PIK3R1: variants seen among roughly 807,000 people sequenced by gnomAD.
The protein encoded by PIK3R1 is phosphatidylinositol 3-kinase regulatory subunit alpha.
PIK3R1 carries 29 observed loss-of-function variants against 98.0 expected under a neutral mutation model. That is an observed-to-expected ratio of 0.30 (90% CI 0.22 to 0.40). The LOEUF is 0.40. PIK3R1 is among the 10% of genes least tolerant of loss of function. The pLI is 1.00. For missense variants in PIK3R1, 596 were observed against 872.7 expected, an observed-to-expected ratio of 0.68 and a Z score of 3.99; for synonymous variants, 282 against 311.8, an observed-to-expected ratio of 0.90 and a Z score of 1.01.
chr5:68,262,609 GTATA>G (rs1745832418), intron 2 of PIK3R1, among the ~76,000 whole-genome samples: 1 of 144,758 alleles, frequency 6.9e-6, no homozygotes, highest in Non-Finnish European at 1.5e-5. Context: ...GTATACACAT[GTATA>G]CACATGTAGA....
At chr5:68,216,160 C>G (rs754523256) in intron 1 of PIK3R1, among the ~76,000 whole-genome samples, 1 of 152,178 alleles carries the variant, frequency 6.6e-6, no homozygotes, top group African/African-American at 2.4e-5. Flanking sequence ...GGCCGGCGTC[C>G]TGTGAGATCC....
chr5:68,287,726 G>A (rs753538178), intron 7 of PIK3R1, among the ~76,000 whole-genome samples: 15 of 152,176 alleles, frequency 9.9e-5, no homozygotes, highest in African/African-American at 2.4e-5. Flanking sequence ...TAAACCTAAT[G>A]CAGAGACACC....
intron 7 of PIK3R1, among the ~76,000 whole-genome samples, chr5:68,284,539 C>G (rs1288920447): frequency 6.6e-6 from 1 of 152,238 alleles, no homozygotes; most frequent in Admixed American, 6.5e-5. Flanking sequence ...GTCGCTGCCC[C>G]AAGCAGTGCC....
rs115152607 is a variant in PIK3R1 at position 68,240,834 on chromosome 5, A to G, written c.334+13825A>G. On this transcript the variant is annotated intron_variant, in intron 2 of 15. Coordinates refer to ENST00000521381, the MANE Select transcript of PIK3R1 (RefSeq NM_181523.3). ...CTGTGAGACCAGTTGCCTTTCATAT[A>G]TTCTAGAAGAGAAGGATGAGGTGAG... 1.7e-3 allele frequency among the ~76,000 whole-genome samples: 253 copies of G among 152,224 alleles called. 1 individual carries two copies. The highest frequency in any genetic ancestry group is 5.8e-3 in the African/African-American group (239 of 41,532).
intron 2 of PIK3R1, among the ~76,000 whole-genome samples, chr5:68,246,977 A>G (rs566860139): frequency 1.3e-5 from 2 of 152,328 alleles, no homozygotes; most frequent in South Asian, 4.1e-4. Flanking sequence ...CTTTGCCTAA[A>G]TTGTCTTAGC....
chr5:68,224,400 AG>A (rs1436186801), intron 1 of PIK3R1, among the ~76,000 whole-genome samples: 3 of 152,218 alleles, frequency 2.0e-5, no homozygotes, highest in Non-Finnish European at 2.9e-5. Context: ...TGAAATGCGA[AG>A]TAGAGTACTA....
At chr5:68,223,483 T>A (rs1326891458) in intron 1 of PIK3R1, among the ~76,000 whole-genome samples, 2 of 152,144 alleles carry the variant, frequency 1.3e-5, no homozygotes, top group African/African-American at 2.4e-5. Flanking sequence ...TGTATCCATC[T>A]TCCTGGCCTT....
At position 68,226,730 on chromosome 5, in the gene PIK3R1, G is replaced by C; in HGVS notation, c.55G>C (p.Glu19Gln). The C allele has an allele frequency of 6.2e-7, 1 of 1,614,150 alleles. No homozygotes were observed. Among genetic ancestry groups the C allele is most frequent in the Non-Finnish European group, 8.5e-7 (1 of 1,179,998 alleles). Reference sequence around the variant, plus strand: ...GCTGTATGATTATAAAAAGGAAAGAGAAGAAGATATTGACTTGCACTTGGG... The same window carrying C: ...GCTGTATGATTATAAAAAGGAAAGACAAGAAGATATTGACTTGCACTTGGG... The part of the protein sequence containing the change: ...RALYDYKKER[E>Q]EDIDLHLGDI... Residue 19 changes from glutamate to glutamine, a missense_variant, in exon 2 of 16, where the codon GAA becomes CAA. Around this residue, in one of 3 missense-constraint regions of PIK3R1, gnomAD observed 352 missense variants for 393.3 expected, o/e 0.90. Transcript: ENST00000521381.
intron 1 of PIK3R1, among the ~76,000 whole-genome samples, chr5:68,221,966 T>C (rs185736406): frequency 6.6e-6 from 1 of 152,360 alleles, no homozygotes; most frequent in Non-Finnish European, 1.5e-5. Flanking sequence ...GTTTACTTGT[T>C]CGTAGGATTC....
In PIK3R1 at chr5:68,297,372, G is replaced by C. The variant is rs562833321; in HGVS notation, c.1986-40G>C. ...GCCCTGAAGAGTTGTGAATTGTCTT[G>C]GACAAGCTCAAAAGACAGTTTTTCT... On this transcript the variant is annotated intron_variant, in intron 15 of 15. Transcript: ENST00000521381. The C allele has an allele frequency of 1.5e-5, 22 of 1,510,716 alleles. 1 individual carries two copies. The African/African-American group carries it at 3.0e-4, about 21-fold the overall frequency. The allele number at this position is 1,510,716 out of a possible 1,614,324, so 93.6% of individuals were successfully genotyped here.
chr5:68,265,240 C>G (rs1399594563), intron 2 of PIK3R1, among the ~76,000 whole-genome samples: 3 of 152,154 alleles, frequency 2.0e-5, no homozygotes, highest in Non-Finnish European at 2.9e-5. Context: ...AACTACTGCC[C>G]TTGGGAATAT....
At chr5:68,261,709 A>T (rs1745754021) in intron 2 of PIK3R1, among the ~76,000 whole-genome samples, 1 of 152,206 alleles carries the variant, frequency 6.6e-6, no homozygotes, top group Admixed American at 6.5e-5. Context: ...TAAAAAAATT[A>T]CTCAAGCTCA....
At chr5:68,246,719 G>A (rs1411148078) in intron 2 of PIK3R1, among the ~76,000 whole-genome samples, 2 of 152,202 alleles carry the variant, frequency 1.3e-5, no homozygotes, top group African/African-American at 2.4e-5. Context: ...CGCCTCCTGG[G>A]TTCACGCCAT....
At chr5:68,282,080 G>A (rs952183059) in intron 7 of PIK3R1, among the ~76,000 whole-genome samples, 13 of 152,100 alleles carry the variant, frequency 8.5e-5, no homozygotes, top group African/African-American at 3.1e-4. Context: ...TGAGAGAGAG[G>A]TATCCGGTAT....
At chr5:68,238,229 A>G (rs12652661) in intron 2 of PIK3R1, among the ~76,000 whole-genome samples, 56,423 of 152,028 alleles carry the variant, frequency 0.37, 11,277 homozygotes, top group East Asian at 0.6. Context: ...TGGCCTTTTC[A>G]TCTCAGACTG....
intron 7 of PIK3R1, among the ~76,000 whole-genome samples, chr5:68,283,848 G>A (rs1238867128): frequency 3.3e-5 from 5 of 152,186 alleles, no homozygotes; most frequent in African/African-American, 1.2e-4. Flanking sequence ...TGGAAACTTC[G>A]TGAGCAATGA....
intron 2 of PIK3R1, among the ~76,000 whole-genome samples, chr5:68,229,366 G>A (rs1047947473): frequency 6.6e-6 from 1 of 152,134 alleles, no homozygotes. Flanking sequence ...GACAAATTGT[G>A]TGAAGGCAAG....
Position 68,301,619 on chromosome 5 carries a change from AGTT to A in PIK3R1, c.*4020_*4022del, listed in dbSNP as rs1372091768. The A allele has an allele frequency of 2.0e-5, 3 of 153,320 alleles. No homozygotes were observed. Among genetic ancestry groups the A allele is most frequent in the African/African-American group, 8.0e-5 (3 of 37,708 alleles). The allele number at this position is 153,320 out of a possible 1,614,324, so 9.5% of individuals were successfully genotyped here. On this transcript the variant is annotated 3_prime_UTR_variant, in exon 16 of 16. Coordinates refer to ENST00000521381, the MANE Select transcript of PIK3R1 (RefSeq NM_181523.3). Reference sequence around the variant, plus strand: ...TGTTTATATGACATTGTTAAAATAAAGTTGGTCTTTTGACGAGAGGGAGGATGT... The same window carrying A: ...TGTTTATATGACATTGTTAAAATAAAGGTCTTTTGACGAGAGGGAGGATGT...
chr5:68,232,621 A>C (rs1271917947), intron 2 of PIK3R1, among the ~76,000 whole-genome samples: 1 of 152,238 alleles, frequency 6.6e-6, no homozygotes, highest in Non-Finnish European at 1.5e-5. Flanking sequence ...ACAGTATTTG[A>C]GGAGAAGAAG....
Sources: gnomAD v4.1 joint callset for allele counts (sites outside exome capture counted in the v4.1 genomes callset) on GRCh38, gnomAD v4.1.1 for gene constraint, gnomAD v4.1.1 regional missense constraint, MANE v1.5 for transcripts, NCBI Gene and HGNC (gene_info 2026-07-23, HGNC 2026-07-21) for gene names.